ASXL2: variants seen among roughly 807,000 people sequenced by gnomAD.
ASXL2 encodes the protein putative Polycomb group protein ASXL2.
In ASXL2, 23 loss-of-function variants were observed where a neutral mutation model predicts 122.0. The ratio of observed to expected loss-of-function variants is 0.19; its 90% CI spans 0.14 to 0.27. The LOEUF (loss-of-function observed/expected upper bound fraction) is 0.27, where lower values mean the gene tolerates loss of function less well. Ranked by LOEUF, ASXL2 falls within the 10% of genes least tolerant of loss-of-function variation. ASXL2 has a pLI of 1.00. For synonymous variants in ASXL2, 650 were observed against 637.0 expected, an observed-to-expected ratio of 1.02 and a Z score of -0.31; for missense variants, 1,518 against 1,713.8, an observed-to-expected ratio of 0.89 and a Z score of 2.02.
intron 3 of ASXL2, among the ~76,000 whole-genome samples, chr2:25,818,172 G>C (rs942039125): frequency 3.9e-5 from 6 of 152,150 alleles, no homozygotes; most frequent in Admixed American, 3.3e-4. Context: ...CTTTCATTTA[G>C]AGTATATTTG....
intron 1 of ASXL2, among the ~76,000 whole-genome samples, chr2:25,860,675 C>T (rs1261075737): frequency 3.3e-5 from 5 of 150,702 alleles, no homozygotes; most frequent in South Asian, 2.1e-4. Flanking sequence ...CATGCCACTG[C>T]ACTCCAGCCT....
intron 3 of ASXL2, among the ~76,000 whole-genome samples, chr2:25,820,905 G>A (rs890067589): frequency 2.2e-4 from 33 of 152,226 alleles, no homozygotes; most frequent in Admixed American, 1.3e-3. Flanking sequence ...GGTGGCTCAC[G>A]CCTGTAATCC....
At chr2:25,848,214 T>C (rs1404309369) in intron 1 of ASXL2, among the ~76,000 whole-genome samples, 1 of 152,250 alleles carries the variant, frequency 6.6e-6, no homozygotes, top group African/African-American at 2.4e-5. Context: ...AAAATATTTA[T>C]ATTATCCATG....
At chr2:25,781,732 C>T (rs1037615161) in intron 5 of ASXL2, among the ~76,000 whole-genome samples, 5 of 149,202 alleles carry the variant, frequency 3.4e-5, no homozygotes, top group Non-Finnish European at 5.9e-5. Flanking sequence ...TGCAGTGGCA[C>T]TATCTCGGCT....
intron 8 of ASXL2, among the ~76,000 whole-genome samples, chr2:25,763,604 G>T (rs555949881): frequency 3.5e-4 from 53 of 152,240 alleles, no homozygotes; most frequent in African/African-American, 1.2e-3. Context: ...AAAAAAAGGA[G>T]GTCTCAGTAA....
intron 8 of ASXL2, among the ~76,000 whole-genome samples, chr2:25,762,184 T>G (rs2088263998): frequency 6.6e-6 from 1 of 151,544 alleles, no homozygotes; most frequent in Non-Finnish European, 1.5e-5. Context: ...TATATAGAAG[T>G]ATGATATATC....
intron 3 of ASXL2, among the ~76,000 whole-genome samples, chr2:25,826,603 C>T (rs967441875): frequency 1.3e-5 from 2 of 151,972 alleles, no homozygotes; most frequent in Admixed American, 6.6e-5. Flanking sequence ...CCATTTTTTC[C>T]GTACTCCTTC....
intron 1 of ASXL2, among the ~76,000 whole-genome samples, chr2:25,861,562 A>G (rs187287574): frequency 2.6e-5 from 4 of 152,330 alleles, no homozygotes; most frequent in Admixed American, 1.3e-4. Context: ...ATTCTCTACA[A>G]TATCTTCCAG....
At chr2:25,842,454 T>C (rs984507589) in intron 2 of ASXL2, among the ~76,000 whole-genome samples, 1 of 152,184 alleles carries the variant, frequency 6.6e-6, no homozygotes, top group Non-Finnish European at 1.5e-5. Context: ...CCTGCTGTTT[T>C]TGTTTGTTTT....
At chr2:25,825,397 C>A (rs1204826946) in intron 3 of ASXL2, among the ~76,000 whole-genome samples, 1 of 152,126 alleles carries the variant, frequency 6.6e-6, no homozygotes, top group African/African-American at 2.4e-5. Context: ...GTTGAGCAAC[C>A]TTTTCATCTT....
chr2:25,755,523 T>G (rs1044282706), intron 10 of ASXL2, among the ~76,000 whole-genome samples: 1 of 152,242 alleles, frequency 6.6e-6, no homozygotes. Flanking sequence ...TGGCTGAATT[T>G]TATATTATAT....
At position 25,768,772 on chromosome 2, in the gene ASXL2, C is replaced by T. The variant is rs748038250; in HGVS notation, c.601G>A (p.Ala201Thr). 1 of 1,612,468 alleles carries T rather than the reference C, an allele frequency of 6.2e-7. No individual in the cohort carries two copies. Among genetic ancestry groups the T allele is most frequent in the African/African-American group, 1.3e-5 (1 of 74,912 alleles). The change falls in exon 7 of 13, where the codon GCA (alanine) becomes ACA (threonine). Residue 201 changes from alanine to threonine, a missense_variant. By Grantham distance (58) the Ala-to-Thr change is moderately conservative (BLOSUM62 0). This residue lies in a region of ASXL2 where 198 missense variants were observed against 209.0 expected (regional missense o/e 0.95). Transcript: ENST00000435504. The stretch of plus-strand genomic sequence containing the variant: ...TTGGCAGGTACAGAGTCACTGGCTG[C>T]TTTGACAGTCTTTAGTGAGAGATGC... The part of the protein sequence containing the change: ...NQHLSLKTVK[A>T]ASDSVPAKPA...
At chr2:25,756,453 C>CAA (rs554502367) in intron 9 of ASXL2, among the ~76,000 whole-genome samples, 4 of 23,338 alleles carry the variant, frequency 1.7e-4, no homozygotes, top group African/African-American at 3.7e-4. Context: ...CAGATAATGA[C>CAA]AAAAAAAAAA....
At chr2:25,768,195 C>T (rs1322011837) in intron 7 of ASXL2, among the ~76,000 whole-genome samples, 2 of 152,208 alleles carry the variant, frequency 1.3e-5, no homozygotes, top group African/African-American at 4.8e-5. Flanking sequence ...GTTTGAGCCT[C>T]TTGGAAACAT....
intron 3 of ASXL2, chr2:25,822,725 G>T (rs1031143102): frequency 1.4e-6 from 1 of 694,292 alleles, no homozygotes; most frequent in Non-Finnish European, 2.5e-6. Context: ...GCCAGTCATA[G>T]CCAAGGTTAA....
intron 7 of ASXL2, 66 bp from the exon 8 acceptor site, chr2:25,767,792 T>A (rs1477059395): frequency 6.4e-7 from 1 of 1,551,728 alleles, no homozygotes; most frequent in Non-Finnish European, 8.8e-7. Flanking sequence ...AATTAATCAA[T>A]CATTCAACAT....
At position 25,824,641 on chromosome 2, in the gene ASXL2, T is replaced by C. The variant is rs76009587; in HGVS notation, c.143+10897A>G. On this transcript the variant is annotated intron_variant, in intron 3 of 12. Coordinates refer to ENST00000435504, the MANE Select transcript of ASXL2 (RefSeq NM_018263.6). ...CTCAGGTTTAGAGCTTGTTTTCTAA[T>C]TTGTCAGTCTCCAACCCCGTGGTTT... is the stretch of plus-strand genomic sequence containing the variant. Among the ~76,000 whole-genome samples the C allele has an allele frequency of 6.7e-4, 102 of 152,344 alleles. No homozygotes were observed. In the East Asian group the frequency reaches 0.019, roughly 28 times the overall value.
intron 7 of ASXL2, 126 bp from the exon 8 acceptor site, chr2:25,767,852 T>C (rs1351867058): frequency 1.8e-6 from 2 of 1,097,128 alleles, no homozygotes; most frequent in Non-Finnish European, 2.6e-6. Context: ...CTAATGTGTT[T>C]TGAGTTTGAA....
At chr2:25,759,408 T>A (rs2088199273) in intron 9 of ASXL2, 74 bp downstream of exon 9, 7 of 1,417,384 alleles carry the variant, frequency 4.9e-6, no homozygotes, top group Non-Finnish European at 6.7e-6. Flanking sequence ...ACTTCTCACT[T>A]AGTACCATTA....
Sources: gnomAD v4.1 joint callset for allele counts (sites outside exome capture counted in the v4.1 genomes callset) on GRCh38, gnomAD v4.1.1 for gene constraint, gnomAD v4.1.1 regional missense constraint, MANE v1.5 for transcripts, NCBI Gene and HGNC (gene_info 2026-07-23, HGNC 2026-07-21) for gene names.